Variants in CLINT1 observed in about 807,000 individuals in gnomAD.
The protein encoded by CLINT1 is clathrin interactor 1.
CLINT1 carries 15 observed loss-of-function variants against 70.4 expected under a neutral mutation model. The ratio of observed to expected loss-of-function variants is 0.21; its 90% CI spans 0.14 to 0.33. CLINT1 has a LOEUF of 0.33. CLINT1 is among the 10% of genes least tolerant of loss of function. The pLI is 1.00. For missense variants in CLINT1, 615 were observed against 778.1 expected (o/e 0.79, Z 2.49); for synonymous variants, 227 against 254.7 (o/e 0.89, Z 1.04).
chr5:157,824,722 A>G (rs780895164), intron 1 of CLINT1, among the ~76,000 whole-genome samples: 2 of 152,198 alleles, frequency 1.3e-5, no homozygotes, highest in Non-Finnish European at 2.9e-5. Flanking sequence ...AAATATCACA[A>G]TCCTGGACAC....
At chr5:157,818,163 T>G (rs898315834) in intron 1 of CLINT1, among the ~76,000 whole-genome samples, 9 of 152,172 alleles carry the variant, frequency 5.9e-5, no homozygotes, top group African/African-American at 2.2e-4. Context: ...CATCAGGAGA[T>G]TGTACGATGG....
At chr5:157,788,684 G>A (rs1490617706) in intron 11 of CLINT1, among the ~76,000 whole-genome samples, 2 of 152,106 alleles carry the variant, frequency 1.3e-5, no homozygotes, top group African/African-American at 4.8e-5. Flanking sequence ...AAGATGGAAA[G>A]TGGCCAGGCG....
chr5:157,816,051 A>G (rs1207347308), intron 3 of CLINT1, among the ~76,000 whole-genome samples: 1 of 152,190 alleles, frequency 6.6e-6, no homozygotes, highest in African/African-American at 2.4e-5. Context: ...ATTTCATCAC[A>G]CCTACCATAC....
At chr5:157,788,968 G>GAAAAAAAAAAAAAAAAAAA (rs58634730) in intron 11 of CLINT1, among the ~76,000 whole-genome samples, 10 of 95,606 alleles carry the variant, frequency 1.0e-4, no homozygotes, top group East Asian at 5.6e-4. Context: ...CTCCATCTCA[G>GAAAAAAAAAAAAAAAAAAA]AAAAAAAAAA....
At chr5:157,850,304 T>C (rs576739558) in intron 1 of CLINT1, among the ~76,000 whole-genome samples, 3 of 152,286 alleles carry the variant, frequency 2.0e-5, no homozygotes, top group African/African-American at 7.2e-5. Flanking sequence ...ACCGAACTTA[T>C]AAGCCAAATA....
At chr5:157,849,401 T>C (rs899955871) in intron 1 of CLINT1, among the ~76,000 whole-genome samples, 6 of 152,230 alleles carry the variant, frequency 3.9e-5, no homozygotes, top group African/African-American at 1.4e-4. Context: ...TTAAACATAA[T>C]ACCATTGTGC....
intron 6 of CLINT1, among the ~76,000 whole-genome samples, chr5:157,807,499 A>G (rs1762423846): frequency 6.6e-6 from 1 of 152,138 alleles, no homozygotes; most frequent in South Asian, 2.1e-4. Flanking sequence ...TGAATGTAAT[A>G]GTGAACTAAT....
chr5:157,794,878 CCAAT>C lies in CLINT1; in HGVS notation c.1087+16_1087+19del, dbSNP rs756893226. The C allele has an allele frequency of 5.8e-6, 9 of 1,548,286 alleles. No homozygotes were observed. In the Admixed American group the frequency reaches 7.8e-5, roughly 13 times the overall value. On this transcript the variant is annotated intron_variant, in intron 9 of 11. Transcript: ENST00000411809. ...CCTTTTTACCACCCTAGACTTCTGG[CCAAT>C]CAAATTGAATCATACCTTGGGAAGG... is the stretch of plus-strand genomic sequence containing the variant.
chr5:157,841,920 C>T (rs538652166), intron 1 of CLINT1, among the ~76,000 whole-genome samples: 8 of 152,288 alleles, frequency 5.3e-5, no homozygotes, highest in African/African-American at 1.7e-4. Context: ...GATGAGCCAG[C>T]ACGTCCAGCC....
intron 1 of CLINT1, among the ~76,000 whole-genome samples, chr5:157,840,694 T>A (rs1393000721): frequency 2.6e-5 from 4 of 151,868 alleles, no homozygotes; most frequent in Non-Finnish European, 5.9e-5. Flanking sequence ...TATACATGTA[T>A]TCTCTTTACT....
chr5:157,857,909 G>A (rs895358680), intron 1 of CLINT1, among the ~76,000 whole-genome samples: 1 of 152,206 alleles, frequency 6.6e-6, no homozygotes, highest in Non-Finnish European at 1.5e-5. Flanking sequence ...TTTAGGTTAG[G>A]TGGGTGGCAC....
At chr5:157,841,662 T>C (rs911507915) in intron 1 of CLINT1, among the ~76,000 whole-genome samples, 1 of 152,198 alleles carries the variant, frequency 6.6e-6, no homozygotes, top group Non-Finnish European at 1.5e-5. Context: ...TGTTCTGTTG[T>C]CCAGGTGGAG....
chr5:157,849,082 G>A (rs944129853), intron 1 of CLINT1, among the ~76,000 whole-genome samples: 4 of 152,220 alleles, frequency 2.6e-5, no homozygotes, highest in Admixed American at 2.6e-4. Flanking sequence ...ACAAGCATGA[G>A]CCACCACGCC....
Position 157,794,903 on chromosome 5 carries a change from G to C in CLINT1, c.1082C>G (p.Ser361Cys). 1 of 1,557,412 alleles carries C rather than the reference G, an allele frequency of 6.4e-7. No homozygotes were observed. The highest frequency in any genetic ancestry group is 8.7e-7 in the Non-Finnish European group (1 of 1,149,864). ...GSAAASGSFP[S>C]QVTATSGNGD... ...CCAATCAAATTGAATCATACCTTGG[G>C]AAGGGAAACTGCCTGATGCAGCAGC... Residue 361 changes from serine to cysteine, a missense_variant, in exon 9 of 12, where the codon TCC (serine) becomes TGC (cysteine). Physicochemically the swap from Ser to Cys is moderately radical, Grantham distance 112. This residue lies in a region of CLINT1 where 374 missense variants were observed against 409.6 expected (regional missense o/e 0.91). Coordinates refer to ENST00000411809, the MANE Select transcript of CLINT1 (RefSeq NM_014666.4).
chr5:157,855,047 G>C, intron 1 of CLINT1, among the ~76,000 whole-genome samples: 1 of 151,492 alleles, frequency 6.6e-6, no homozygotes, highest in East Asian at 1.9e-4. Flanking sequence ...GGGAGGCTGA[G>C]GCAGGAGAAT....
intron 1 of CLINT1, among the ~76,000 whole-genome samples, chr5:157,837,705 G>A (rs569613341): frequency 1.1e-3 from 162 of 146,636 alleles, no homozygotes; most frequent in African/African-American, 3.8e-3. Flanking sequence ...GCACAGTGGC[G>A]TGATCTTGGC....
At chr5:157,848,088 G>T (rs1245013749) in intron 1 of CLINT1, among the ~76,000 whole-genome samples, 1 of 152,070 alleles carries the variant, frequency 6.6e-6, no homozygotes, top group African/African-American at 2.4e-5. Flanking sequence ...ATACAGGTGT[G>T]AGCCACTGCA....
intron 1 of CLINT1, among the ~76,000 whole-genome samples, chr5:157,826,113 A>G (rs145930957): frequency 6.6e-6 from 1 of 152,282 alleles, no homozygotes; most frequent in East Asian, 1.9e-4. Flanking sequence ...AATACTCTGC[A>G]AGTAGGAAAA....
At chr5:157,855,520 A>G (rs1373818627) in intron 1 of CLINT1, among the ~76,000 whole-genome samples, 1 of 152,124 alleles carries the variant, frequency 6.6e-6, no homozygotes, top group Non-Finnish European at 1.5e-5. Context: ...TGGCATTCCA[A>G]GCTCTGGCAG....
Sources: gnomAD v4.1 joint callset for allele counts (sites outside exome capture counted in the v4.1 genomes callset) on GRCh38, gnomAD v4.1.1 for gene constraint, gnomAD v4.1.1 regional missense constraint, MANE v1.5 for transcripts, NCBI Gene and HGNC (gene_info 2026-07-23, HGNC 2026-07-21) for gene names.